Variants in DPYD observed in about 807,000 individuals in gnomAD.
DPYD encodes dihydropyrimidine dehydrogenase [NADP(+)].
Under a neutral mutation model 116.2 loss-of-function variants are expected in DPYD, and 109 were observed. The observed-to-expected ratio is 0.94, with a 90% CI of 0.80 to 1.10. DPYD has a LOEUF of 1.10. DPYD is among the 50% of genes least tolerant of loss of function. DPYD has a pLI of 0.00. For missense variants in DPYD, 1,302 were observed against 1,254.5 expected (o/e 1.04, Z -0.57); for synonymous variants, 440 against 432.0 (o/e 1.02, Z -0.23).
At position 97,449,785 on chromosome 1, in the gene DPYD, A is replaced by G. The variant is rs577160075; in HGVS notation, c.1905+274T>C. Among the ~76,000 whole-genome samples, 7 of 152,308 alleles carry G rather than the reference A, an allele frequency of 4.6e-5. No individual in the cohort carries two copies. In the South Asian group the frequency reaches 1.2e-3, roughly 27 times the overall value. On this transcript the variant is annotated intron_variant, in intron 14 of 22. Transcript: ENST00000370192. ...CACATACAGTGAAAACCAACTCAAT[A>G]AAATGAGTATTTCATTTCTCTTCCT...
intron 2 of DPYD, among the ~76,000 whole-genome samples, chr1:97,828,552 C>A (rs866676415): frequency 4.0e-5 from 6 of 151,868 alleles, no homozygotes; most frequent in African/African-American, 9.7e-5. Flanking sequence ...TATAGAAAAT[C>A]CAATTTAAAC....
At chr1:97,274,253 T>C (rs1459830270) in intron 18 of DPYD, among the ~76,000 whole-genome samples, 2 of 152,112 alleles carry the variant, frequency 1.3e-5, no homozygotes, top group Non-Finnish European at 2.9e-5. Flanking sequence ...TGGGGCCCAG[T>C]GGGTTATATT....
At chr1:97,566,203 AAT>A (rs545487641) in intron 11 of DPYD, among the ~76,000 whole-genome samples, 1 of 152,278 alleles carries the variant, frequency 6.6e-6, no homozygotes, top group Non-Finnish European at 1.5e-5. Flanking sequence ...AATTTATTGT[AAT>A]TCTGAGCCTC....
At chr1:97,619,564 T>C (rs1656506357) in intron 8 of DPYD, among the ~76,000 whole-genome samples, 1 of 152,186 alleles carries the variant, frequency 6.6e-6, no homozygotes, top group South Asian at 2.1e-4. Flanking sequence ...TCCACCCTTT[T>C]ATCAATGCAA....
At chr1:97,760,652 G>T (rs887777873) in intron 3 of DPYD, among the ~76,000 whole-genome samples, 1 of 152,034 alleles carries the variant, frequency 6.6e-6, no homozygotes, top group African/African-American at 2.4e-5. Flanking sequence ...GAACCTTGGT[G>T]GACGACTATA....
chr1:97,558,063 T>C (rs1651874905), intron 11 of DPYD, among the ~76,000 whole-genome samples: 1 of 152,122 alleles, frequency 6.6e-6, no homozygotes, highest in Non-Finnish European at 1.5e-5. Flanking sequence ...GCATTGGGGA[T>C]CATGGGAATA....
intron 2 of DPYD, among the ~76,000 whole-genome samples, chr1:97,832,577 C>A (rs1293763807): frequency 6.6e-6 from 1 of 151,938 alleles, no homozygotes; most frequent in Admixed American, 6.6e-5. Flanking sequence ...TTGCATGCAA[C>A]AGTCTTTATT....
chr1:97,822,034 T>C (rs1363717528), intron 3 of DPYD, among the ~76,000 whole-genome samples: 1 of 151,698 alleles, frequency 6.6e-6, no homozygotes, highest in Non-Finnish European at 1.5e-5. Flanking sequence ...GTTTTCTCCA[T>C]TTTTCCTTCA....
intron 18 of DPYD, among the ~76,000 whole-genome samples, chr1:97,289,490 T>C (rs1414298414): frequency 6.6e-6 from 1 of 151,732 alleles, no homozygotes; most frequent in African/African-American, 2.4e-5. Flanking sequence ...TTATCCACCA[T>C]GATCAAGTGG....
At chr1:97,270,338 C>G (rs1049427602) in intron 18 of DPYD, among the ~76,000 whole-genome samples, 14 of 152,238 alleles carry the variant, frequency 9.2e-5, no homozygotes, top group African/African-American at 3.4e-4. Flanking sequence ...TTATTCTTCC[C>G]TACCCCAATC....
intron 18 of DPYD, among the ~76,000 whole-genome samples, chr1:97,267,324 G>A (rs1664303292): frequency 6.6e-6 from 1 of 152,138 alleles, no homozygotes; most frequent in Non-Finnish European, 1.5e-5. Flanking sequence ...CTGCATAAAT[G>A]TCTTCTTTTG....
At chr1:97,510,804 T>G (rs1031289630) in intron 13 of DPYD, among the ~76,000 whole-genome samples, 1 of 151,586 alleles carries the variant, frequency 6.6e-6, no homozygotes, top group Non-Finnish European at 1.5e-5. Flanking sequence ...GACTTTGGAG[T>G]CTTTGTGTCA....
chr1:97,686,965 C>A (rs139919539), intron 7 of DPYD, among the ~76,000 whole-genome samples: 1,761 of 152,002 alleles, frequency 0.012, 13 homozygotes, highest in Middle Eastern at 0.031. Flanking sequence ...AAAAAACCAA[C>A]CCCATTAAAA....
At chr1:97,199,604 C>T (rs1028902490) in intron 19 of DPYD, among the ~76,000 whole-genome samples, 46 of 151,018 alleles carry the variant, frequency 3.0e-4, no homozygotes, top group African/African-American at 9.7e-4. Context: ...AGGCATGGAC[C>T]TTATTTTTAT....
intron 20 of DPYD, among the ~76,000 whole-genome samples, chr1:97,134,296 G>A (rs918439097): frequency 6.6e-6 from 1 of 151,772 alleles, no homozygotes; most frequent in Non-Finnish European, 1.5e-5. Context: ...TTAAACCTGA[G>A]TATAAATATT....
At chr1:97,650,617 C>T (rs752898499) in intron 8 of DPYD, among the ~76,000 whole-genome samples, 1 of 151,906 alleles carries the variant, frequency 6.6e-6, no homozygotes, top group Admixed American at 6.6e-5. Context: ...ATTACAACAC[C>T]CAACTTCACA....
intron 18 of DPYD, among the ~76,000 whole-genome samples, chr1:97,250,998 G>A (rs1663047433): frequency 6.6e-6 from 1 of 152,118 alleles, no homozygotes; most frequent in Non-Finnish European, 1.5e-5. Context: ...TCAAAAGTGA[G>A]CATCTCCTAT....
chr1:97,129,680 T>C (rs79313673), intron 20 of DPYD, among the ~76,000 whole-genome samples: 26,761 of 152,162 alleles, frequency 0.18, 2,588 homozygotes, highest in Admixed American at 0.22. Flanking sequence ...CTTTTAATGC[T>C]AGGCTTCCTC....
intron 13 of DPYD, among the ~76,000 whole-genome samples, chr1:97,467,028 G>C (rs1357188232): frequency 6.6e-6 from 1 of 152,160 alleles, no homozygotes; most frequent in Non-Finnish European, 1.5e-5. Flanking sequence ...AGCTAGCCTT[G>C]AGAAGTAAAT....
Sources: gnomAD v4.1 joint callset for allele counts (sites outside exome capture counted in the v4.1 genomes callset) on GRCh38, gnomAD v4.1.1 for gene constraint, MANE v1.5 for transcripts, NCBI Gene and HGNC (gene_info 2026-07-23, HGNC 2026-07-21) for gene names.